Variants in NPC1L1 observed in about 807,000 individuals in gnomAD.
The protein encoded by NPC1L1 is NPC1 like intracellular cholesterol transporter 1.
NPC1L1 carries 98 observed loss-of-function variants against 117.0 expected under a neutral mutation model. The observed-to-expected ratio is 0.84, with a 90% CI of 0.71 to 0.99. The LOEUF is 0.99. Among genes scored for constraint, NPC1L1 ranks in the 50% least tolerant of loss-of-function variants. The pLI is 0.00. For missense variants in NPC1L1, 1,540 were observed against 1,710.0 expected (o/e 0.90, Z 1.75); for synonymous variants, 729 against 727.6 (o/e 1.00, Z -0.03).
Position 44,515,972 on chromosome 7 carries a change from G to T in NPC1L1, c.3634-7C>A, listed in dbSNP as rs771778283. 1.2e-6 allele frequency: 2 copies of T among 1,613,760 alleles called. No individual in the cohort carries two copies. Among genetic ancestry groups the T allele is most frequent in the Middle Eastern group, 1.6e-4 (1 of 6,062 alleles). The stretch of plus-strand genomic sequence containing the variant: ...TGGCCACACCTGCAAACACCTGGGG[G>T]GTTCAGAGCCAGGTGTCAGGCAGGG... On this transcript the variant is annotated splice_polypyrimidine_tract_variant and splice_region_variant and intron_variant, in intron 17 of 18. Transcript: ENST00000381160.
chr7:44,517,142 C>T, intron 15 of NPC1L1, 65 bp downstream of exon 15: 1 of 1,607,688 alleles, frequency 6.2e-7, no homozygotes, highest in African/African-American at 1.3e-5. Flanking sequence ...AAGCCCTCCA[C>T]CCTAACCTCC....
At position 44,517,252 on chromosome 7, in the gene NPC1L1, CGCAGGTCA is replaced by C; in HGVS notation, c.3234_3241del (p.Asp1079GlufsTer10). 6.2e-7 allele frequency: 1 copy of C among 1,614,150 alleles called. No individual in the cohort carries two copies. On this transcript the variant is annotated frameshift_variant, in exon 15 of 19. Coordinates refer to ENST00000381160, the MANE Select transcript of NPC1L1 (RefSeq NM_001101648.2). LOFTEE classifies it high-confidence loss of function. ...AGCCGGGTCTGTTCCAGGCACTTTC[CGCAGGTCA>C]GCAGTGATGTTGGCTGCCAGCTCTC...
Position 44,540,074 on chromosome 7 carries a change from G to A in NPC1L1, c.323C>T (p.Ala108Val). ...GCAGGCTGGGCAGCGGGTGAGGAGG[G>A]CCTTGGTGATCGACAGACTCGCTTC... is the stretch of plus-strand genomic sequence containing the variant. ...SLEASLSITK[A>V]LLTRCPACSD... is the part of the protein sequence containing the mutation. The change falls in exon 2 of 19, where the codon GCC becomes GTC. Residue 108 changes from alanine to valine, a missense_variant. Ala to Val is a moderately conservative substitution (Grantham distance 64, BLOSUM62 0). Around this residue, in one of 3 missense-constraint regions of NPC1L1, gnomAD observed 793 missense variants for 820.4 expected, o/e 0.97. Coordinates refer to ENST00000381160, the MANE Select transcript of NPC1L1 (RefSeq NM_001101648.2). The A allele has an allele frequency of 2.5e-6, 4 of 1,614,224 alleles. No individual in the cohort carries two copies. Among genetic ancestry groups the A allele is most frequent in the Non-Finnish European group, 2.5e-6 (3 of 1,180,048 alleles).
chr7:44,531,232 C>T (rs912487598), intron 10 of NPC1L1, among the ~76,000 whole-genome samples: 1 of 152,206 alleles, frequency 6.6e-6, no homozygotes, highest in South Asian at 2.1e-4. Flanking sequence ...GCACTCTCCC[C>T]GACCATGCCC....
rs760422409 is a variant in NPC1L1 at position 44,533,823 on chromosome 7, C to G, written c.2197G>C (p.Glu733Gln). 2 of 1,613,320 alleles carry G rather than the reference C, an allele frequency of 1.2e-6. No individual in the cohort carries two copies. The highest frequency in any genetic ancestry group is 2.2e-5 in the South Asian group (2 of 90,876). The change falls in exon 7 of 19, where the codon GAG (glutamate) becomes CAG (glutamine). Residue 733 changes from glutamate (E) to glutamine (Q), a missense_variant. This residue lies in a region of NPC1L1 where 742 missense variants were observed against 873.6 expected (regional missense o/e 0.85). Transcript: ENST00000381160. ...CCTAGGGCTCGCCCAATGTGGACCT[C>G]TCGTGGCTCCCCAGGCCTCCGGGGC... ...RLPRRPGEPR[E>Q]VHIGRALGRV...
At position 44,539,771 on chromosome 7, in the gene NPC1L1, G is replaced by A. The variant is rs1802028440; in HGVS notation, c.626C>T (p.Thr209Ile). 1.9e-6 allele frequency: 3 copies of A among 1,614,196 alleles called. No individual in the cohort carries two copies. In the East Asian group the frequency reaches 6.7e-5, roughly 36 times the overall value. ...GTCCAGTGGGGCCAGACCATTGCCT[G>A]TGTCTCCCTGGAAGTTGAGCCAGCG... ...AQRWLNFQGD[T>I]GNGLAPLDIT... The change falls in exon 2 of 19, where the codon ACA (threonine) becomes ATA (isoleucine). Residue 209 changes from threonine (T) to isoleucine (I), a missense_variant. Around this residue, in one of 3 missense-constraint regions of NPC1L1, gnomAD observed 793 missense variants for 820.4 expected, o/e 0.97. Coordinates refer to ENST00000381160, the MANE Select transcript of NPC1L1 (RefSeq NM_001101648.2). The surrounding 1 kb of genome is among the most constrained non-coding windows in gnomAD (Gnocchi z 4.4).
At position 44,520,082 on chromosome 7, in the gene NPC1L1, C is replaced by A. The variant is rs995815662; in HGVS notation, c.3136+683G>T. Among the ~76,000 whole-genome samples, 3 of 152,120 alleles carry A rather than the reference C, an allele frequency of 2.0e-5. No homozygotes were observed. The East Asian group carries it at 5.8e-4, about 29-fold the overall frequency. On this transcript the variant is annotated intron_variant, in intron 14 of 18. Coordinates refer to ENST00000381160, the MANE Select transcript of NPC1L1 (RefSeq NM_001101648.2). The stretch of plus-strand genomic sequence containing the variant: ...ATCACCTGAGGTCAGGAGTTTGAGA[C>A]CAGCTTGGCCAACGTGGTGCAATTC...
chr7:44,521,841 G>A lies in NPC1L1; in HGVS notation c.2829-5C>T. The A allele has an allele frequency of 6.2e-7, 1 of 1,614,106 alleles. No homozygotes were observed. Among genetic ancestry groups the A allele is most frequent in the Non-Finnish European group, 8.5e-7 (1 of 1,180,008 alleles). Reference sequence around the variant, plus strand: ...GCAGGGATGGCCAGGTAAGACCTAAGGGGCAGGTGGGAGGAAGGGTGAAAA... The same window carrying A: ...GCAGGGATGGCCAGGTAAGACCTAAAGGGCAGGTGGGAGGAAGGGTGAAAA... On this transcript the variant is annotated splice_polypyrimidine_tract_variant and splice_region_variant and intron_variant, in intron 11 of 18. Coordinates refer to ENST00000381160, the MANE Select transcript of NPC1L1 (RefSeq NM_001101648.2).
Position 44,513,521 on chromosome 7 carries a change from G to C in NPC1L1, c.3925C>G (p.His1309Asp). ...CCTTTGATAGAACCTTCAAAGCTGT[G>C]GTTGACATAGATGTTGTCAGCTGTG... The part of the protein sequence containing the change: ...VSTADNIYVN[H>D]SFEGSIKGAG... Residue 1309 changes from histidine (H) to aspartate (D), a missense_variant, in exon 19 of 19, where the codon CAC becomes GAC. His to Asp is a moderately conservative substitution (Grantham distance 81). Around this residue, in one of 3 missense-constraint regions of NPC1L1, gnomAD observed 742 missense variants for 873.6 expected, o/e 0.85. Transcript: ENST00000381160. 1.2e-6 allele frequency: 2 copies of C among 1,614,194 alleles called. No individual in the cohort carries two copies. Among genetic ancestry groups the C allele is most frequent in the Non-Finnish European group, 1.7e-6 (2 of 1,180,032 alleles).
rs1228386334 is a variant in NPC1L1 at position 44,533,466 on chromosome 7, C to G, written c.2374G>C (p.Val792Leu). The G allele has an allele frequency of 6.2e-7, 1 of 1,614,088 alleles. No individual in the cohort carries two copies. The highest frequency in any genetic ancestry group is 1.7e-5 in the Admixed American group (1 of 60,034). The part of the protein sequence containing the change: ...LDFLLQMSAF[V>L]ALLSLDSKRQ... ...TTGCTGTCCAGGGAGAGCAGGGCCA[C>G]AAAGGCTGACATCTGCAGGAGGAAG... The change falls in exon 8 of 19, where the codon GTG becomes CTG. Residue 792 changes from valine (V) to leucine (L), a missense_variant. By Grantham distance (32) the Val-to-Leu change is conservative. Coordinates refer to ENST00000381160, the MANE Select transcript of NPC1L1 (RefSeq NM_001101648.2).
rs771353589 is a variant in NPC1L1, at chr7:44,539,180, C to T, written c.1217G>A (p.Arg406Gln). 10 of 1,613,938 alleles carry T rather than the reference C, an allele frequency of 6.2e-6. No individual in the cohort carries two copies. Among genetic ancestry groups the T allele is most frequent in the African/African-American group, 1.3e-5 (1 of 74,908 alleles). Residue 406 changes from arginine to glutamine, a missense_variant, in exon 2 of 19, where the codon CGA (arginine) becomes CAA (glutamine). Physicochemically the swap from Arg to Gln is conservative, Grantham distance 43. Around this residue, in one of 3 missense-constraint regions of NPC1L1, gnomAD observed 793 missense variants for 820.4 expected, o/e 0.97. Coordinates refer to ENST00000381160, the MANE Select transcript of NPC1L1 (RefSeq NM_001101648.2). This position sits in a 1 kb window ranked among gnomAD's most constrained non-coding sequence, Gnocchi z 4.4. ...AGCCGTCAGGATCACCTGGTTGGTT[C>T]GGAAGAAGGGGCCGAAATGCTGGTC... ...FHDQHFGPFF[R>Q]TNQVILTAPN...
rs1258548160 is a variant in NPC1L1 at position 44,539,103 on chromosome 7, A to G, written c.1294T>C (p.Phe432Leu). ...YDSLLLGPKN[F>L]SGILDLDLLL... Reference sequence around the variant, plus strand: ...AAGTCCAGGTCCAGGATTCCGCTGAAGTTCTTGGGCCCCAGCAGCAGAGAG... The same window carrying G: ...AAGTCCAGGTCCAGGATTCCGCTGAGGTTCTTGGGCCCCAGCAGCAGAGAG... Residue 432 changes from phenylalanine to leucine, a missense_variant, in exon 2 of 19, where the codon TTC becomes CTC. Phe to Leu is a conservative substitution (Grantham distance 22). Coordinates refer to ENST00000381160, the MANE Select transcript of NPC1L1 (RefSeq NM_001101648.2). This position sits in a 1 kb window ranked among gnomAD's most constrained non-coding sequence, Gnocchi z 4.4. 6.2e-7 allele frequency: 1 copy of G among 1,613,952 alleles called. No homozygotes were observed. Among genetic ancestry groups the G allele is most frequent in the South Asian group, 1.1e-5 (1 of 91,064 alleles).
In NPC1L1 at chr7:44,538,741, C is replaced by T. The variant is rs1801975651; in HGVS notation, c.1580+76G>A. On this transcript the variant is annotated intron_variant, in intron 2 of 18. Coordinates refer to ENST00000381160, the MANE Select transcript of NPC1L1 (RefSeq NM_001101648.2). The surrounding 1 kb of genome is among the most constrained non-coding windows in gnomAD (Gnocchi z 5.9). The stretch of plus-strand genomic sequence containing the variant: ...CCTTCAGGACCAGCTGTATGCCCGG[C>T]CAGGTTCCCAGGAGGCCATGGCAGC... 1 of 1,466,110 alleles carries T rather than the reference C, an allele frequency of 6.8e-7. No individual in the cohort carries two copies. The highest frequency in any genetic ancestry group is 9.5e-7 in the Non-Finnish European group (1 of 1,049,914). The allele number at this position is 1,466,110 out of a possible 1,614,324, so 90.8% of individuals were successfully genotyped here.
At chr7:44,527,461 C>CAAAA (rs1160435212) in intron 10 of NPC1L1, among the ~76,000 whole-genome samples, 72 of 39,996 alleles carry the variant, frequency 1.8e-3, no homozygotes, top group East Asian at 4.0e-3. Flanking sequence ...AACAACTTCT[C>CAAAA]AAAAAAAAAA....
rs1801722996 is a variant in NPC1L1, at chr7:44,532,129, T to A, written c.2498A>T (p.Gln833Leu). 1 of 1,613,998 alleles carries A rather than the reference T, an allele frequency of 6.2e-7. No individual in the cohort carries two copies. The highest frequency in any genetic ancestry group is 2.2e-5 in the East Asian group (1 of 44,880). ...QGEGLLLGFF[Q>L]KAYAPFLLHW... is the part of the protein sequence containing the mutation. ...CAGCAGGAAGGGGGCATAAGCCTTTTGGAAGAAGCCAAGCAGGAGCCCCTC... is the reference window on the plus strand; with the variant it reads ...CAGCAGGAAGGGGGCATAAGCCTTTAGGAAGAAGCCAAGCAGGAGCCCCTC... The change falls in exon 9 of 19, where the codon CAA becomes CTA. Residue 833 changes from glutamine to leucine, a missense_variant. Physicochemically the swap from Gln to Leu is moderately radical, Grantham distance 113. This residue lies in a region of NPC1L1 where 742 missense variants were observed against 873.6 expected (regional missense o/e 0.85). Transcript: ENST00000381160.
rs372455452 is a variant in NPC1L1 at position 44,540,318 on chromosome 7, T to C, written c.79A>G (p.Ile27Val). The change falls in exon 2 of 19, where the codon ATC becomes GTC. Residue 27 changes from isoleucine (I) to valine (V), a missense_variant. Around this residue, in one of 3 missense-constraint regions of NPC1L1, gnomAD observed 793 missense variants for 820.4 expected, o/e 0.97. Coordinates refer to ENST00000381160, the MANE Select transcript of NPC1L1 (RefSeq NM_001101648.2). ...RLAQSEPYTT[I>V]HQPGYCAFYD... ...AAGGCGCAGTAGCCAGGCTGGTGGA[T>C]GGTTGTGTAAGGCTCACTCTGGGCC... The C allele has an allele frequency of 3.1e-6, 5 of 1,613,220 alleles. No homozygotes were observed. Among genetic ancestry groups the C allele is most frequent in the Non-Finnish European group, 4.2e-6 (5 of 1,180,002 alleles).
Position 44,539,161 on chromosome 7 carries a change from C to T in NPC1L1, c.1236G>A (p.Leu412=). ...TGTAGCTGGACCGGTTAGGAGCCGT[C>T]AGGATCACCTGGTTGGTTCGGAAGA... ...GPFFRTNQVI[L]TAPNRSSYRY... Residue 412 remains leucine (L), a synonymous_variant, in exon 2 of 19, where the codon CTG becomes CTA. Transcript: ENST00000381160. This position sits in a 1 kb window ranked among gnomAD's most constrained non-coding sequence, Gnocchi z 4.4. The T allele has an allele frequency of 6.8e-6, 11 of 1,614,118 alleles. No homozygotes were observed. Among genetic ancestry groups the T allele is most frequent in the Non-Finnish European group, 9.3e-6 (11 of 1,180,026 alleles).
At chr7:44,521,196 A>C in intron 12 of NPC1L1, 78 bp from the exon 13 acceptor site, 5 of 1,589,740 alleles carry the variant, frequency 3.1e-6, no homozygotes, top group South Asian at 1.1e-5. Context: ...TTCCCCAACA[A>C]TCCCATCAAA....
Position 44,539,681 on chromosome 7 carries a change from C to T in NPC1L1, c.716G>A (p.Gly239Glu), listed in dbSNP as rs201639095. Residue 239 changes from glycine (G) to glutamate (E), a missense_variant, in exon 2 of 19, where the codon GGG becomes GAG. Gly to Glu is a moderately conservative substitution (Grantham distance 98, BLOSUM62 -2). This residue lies in a region of NPC1L1 where 793 missense variants were observed against 820.4 expected (regional missense o/e 0.97). Coordinates refer to ENST00000381160, the MANE Select transcript of NPC1L1 (RefSeq NM_001101648.2). This position sits in a 1 kb window ranked among gnomAD's most constrained non-coding sequence, Gnocchi z 4.4. ...VGSGIQPLNEGVARCNESQGD... is the reference protein window; with the variant it reads ...VGSGIQPLNEEVARCNESQGD... ...TTGGGACTCATTGCAACGTGCAACC[C>T]CCTCATTCAGAGGCTGAATCCCACT... 6.2e-7 allele frequency: 1 copy of T among 1,614,008 alleles called. No homozygotes were observed. Among genetic ancestry groups the T allele is most frequent in the East Asian group, 2.2e-5 (1 of 44,880 alleles).
Sources: gnomAD v4.1 joint callset for allele counts (sites outside exome capture counted in the v4.1 genomes callset) on GRCh38, gnomAD v4.1.1 for gene constraint, gnomAD v4.1.1 regional missense constraint, Gnocchi (gnomAD v3.1) non-coding constraint, MANE v1.5 for transcripts, NCBI Gene and HGNC (gene_info 2026-07-23, HGNC 2026-07-21) for gene names.